Variants in ELP4 observed in about 807,000 individuals in gnomAD.
ELP4 encodes elongator complex protein 4.
ELP4 carries 51 observed loss-of-function variants against 48.9 expected under a neutral mutation model. The observed-to-expected ratio is 1.04, with a 90% confidence interval of 0.83 to 1.32. The LOEUF (loss-of-function observed/expected upper bound fraction) is 1.32. ELP4 is among the 40% of genes most tolerant of loss of function. ELP4 has a pLI of 0.00. For missense variants in ELP4, 519 were observed against 514.6 expected (o/e 1.01, Z -0.08); for synonymous variants, 210 against 189.2 (o/e 1.11, Z -0.90).
At chr11:31,629,934 A>C (rs568710287) in intron 6 of ELP4, among the ~76,000 whole-genome samples, 1 of 152,234 alleles carries the variant, frequency 6.6e-6, no homozygotes. Flanking sequence ...AGAAAAAAGA[A>C]TAACCCATCA....
In ELP4 at chr11:31,789,378, G is replaced by A. The variant is rs1350731402; in HGVS notation, c.*5854G>A. The A allele has an allele frequency of 2.2e-5, 7 of 317,460 alleles. No homozygotes were observed. Among genetic ancestry groups the A allele is most frequent in the Admixed American group, 1.9e-4 (4 of 21,416 alleles). The allele number at this position is 317,460 out of a possible 1,614,324, so 19.7% of individuals were successfully genotyped here. A position where few individuals can be genotyped will look rare whatever the true frequency, so the allele number is the denominator to read the frequency against. ...CCTTTTTTGCACATAAACTTCATCT[G>A]TTAACAACCTTTGGAAAACCAACAG... On this transcript the variant is annotated 3_prime_UTR_variant, in exon 10 of 10. Coordinates refer to ENST00000640961, the MANE Select transcript of ELP4 (RefSeq NM_019040.5).
At chr11:31,735,753 G>A (rs1306929623) in intron 9 of ELP4, among the ~76,000 whole-genome samples, 2 of 152,020 alleles carry the variant, frequency 1.3e-5, no homozygotes, top group African/African-American at 2.4e-5. Flanking sequence ...AAATACCTAG[G>A]AATCCAACTT....
intron 9 of ELP4, among the ~76,000 whole-genome samples, chr11:31,665,278 C>T (rs1378284850): frequency 6.6e-6 from 1 of 152,110 alleles, no homozygotes; most frequent in Admixed American, 6.6e-5. Context: ...ACTCCATATG[C>T]TAGGGAGGAT....
At chr11:31,552,009 A>G (rs1282498805) in intron 3 of ELP4, among the ~76,000 whole-genome samples, 13 of 152,156 alleles carry the variant, frequency 8.5e-5, no homozygotes, top group Admixed American at 8.5e-4. Flanking sequence ...ATGTAATAAA[A>G]TTTGAGATAT....
intron 9 of ELP4, among the ~76,000 whole-genome samples, chr11:31,667,101 T>A (rs534484908): frequency 6.6e-6 from 1 of 152,308 alleles, no homozygotes; most frequent in East Asian, 1.9e-4. Flanking sequence ...CACATATAGA[T>A]AAGTTTATTA....
chr11:31,740,081 A>T (rs1406951741), intron 9 of ELP4, among the ~76,000 whole-genome samples: 1 of 152,260 alleles, frequency 6.6e-6, no homozygotes, highest in Non-Finnish European at 1.5e-5. Flanking sequence ...ATACAGTTGA[A>T]AAAACTATAT....
intron 9 of ELP4, among the ~76,000 whole-genome samples, chr11:31,655,837 T>G (rs1945421688): frequency 6.6e-6 from 1 of 152,024 alleles, no homozygotes; most frequent in African/African-American, 2.4e-5. Flanking sequence ...TTGTGAAAGC[T>G]TATTCCCTTT....
chr11:31,550,496 G>A (rs1956830555), intron 3 of ELP4, among the ~76,000 whole-genome samples: 1 of 152,150 alleles, frequency 6.6e-6, no homozygotes, highest in Non-Finnish European at 1.5e-5. Context: ...CAGCCATTCA[G>A]TCCATTCTTA....
intron 3 of ELP4, among the ~76,000 whole-genome samples, chr11:31,546,915 T>G (rs577646426): frequency 6.6e-6 from 1 of 152,148 alleles, no homozygotes; most frequent in South Asian, 2.1e-4. Flanking sequence ...AAGGCAGAAA[T>G]AAAGATGTTC....
intron 9 of ELP4, among the ~76,000 whole-genome samples, chr11:31,700,016 G>T (rs563253929): frequency 6.6e-6 from 1 of 152,196 alleles, no homozygotes; most frequent in Non-Finnish European, 1.5e-5. Flanking sequence ...AAGTTTGAAT[G>T]ATGTCTGTAG....
chr11:31,657,467 T>C (rs935216510), intron 9 of ELP4, among the ~76,000 whole-genome samples: 1 of 152,036 alleles, frequency 6.6e-6, no homozygotes, highest in African/African-American at 2.4e-5. Flanking sequence ...AGTAAGGACA[T>C]AGTATGTCTT....
chr11:31,563,256 C>T (rs1346035736), intron 3 of ELP4, among the ~76,000 whole-genome samples: 2 of 151,964 alleles, frequency 1.3e-5, no homozygotes, highest in South Asian at 2.1e-4. Context: ...GAGTATGATG[C>T]CCATAGTTGG....
intron 3 of ELP4, among the ~76,000 whole-genome samples, chr11:31,560,213 C>T (rs1956995207): frequency 6.6e-6 from 1 of 152,042 alleles, no homozygotes; most frequent in African/African-American, 2.4e-5. Context: ...TAGGTGTTGA[C>T]AGTAGATATT....
chr11:31,510,066 C>A, intron 1 of ELP4, 59 bp downstream of exon 1: 1 of 1,515,270 alleles, frequency 6.6e-7, no homozygotes, highest in South Asian at 1.1e-5. Context: ...GGGGACCTGT[C>A]GGGGAAGCCA....
rs1948439518 is a variant in ELP4, at chr11:31,784,257, T to C, written c.*733T>C. Reference sequence around the variant, plus strand: ...GCTAGGATACCAGGAGAAAAACATATACTGAAGCTTGTTGAGAGATTTTAC... The same window carrying C: ...GCTAGGATACCAGGAGAAAAACATACACTGAAGCTTGTTGAGAGATTTTAC... On this transcript the variant is annotated 3_prime_UTR_variant, in exon 10 of 10. Coordinates refer to ENST00000640961, the MANE Select transcript of ELP4 (RefSeq NM_019040.5). 6.6e-6 allele frequency: 1 copy of C among 152,176 alleles called. No homozygotes were observed. The highest frequency in any genetic ancestry group is 2.4e-5 in the African/African-American group (1 of 41,454). The allele number at this position is 152,176 out of a possible 1,614,324, so 9.4% of individuals were successfully genotyped here.
At chr11:31,526,016 A>G (rs1956289061) in intron 2 of ELP4, among the ~76,000 whole-genome samples, 1 of 152,146 alleles carries the variant, frequency 6.6e-6, no homozygotes, top group African/African-American at 2.4e-5. Flanking sequence ...AAACTCTGAT[A>G]TCCTAAAATC....
At chr11:31,603,022 A>G (rs1395344405) in intron 4 of ELP4, among the ~76,000 whole-genome samples, 1 of 151,980 alleles carries the variant, frequency 6.6e-6, no homozygotes, top group African/African-American at 2.4e-5. Flanking sequence ...TCCCATATAA[A>G]TAAATTCAGT....
At position 31,639,984 on chromosome 11, in the gene ELP4, C is replaced by T. The variant is rs187283079; in HGVS notation, c.927+7579C>T. On this transcript the variant is annotated intron_variant, in intron 7 of 9. Coordinates refer to ENST00000640961, the MANE Select transcript of ELP4 (RefSeq NM_019040.5). ...ATATAAATAGTGAAATGTCTCATCACGGTATGGAGATTGAGTCATCTGTTT... is the reference window on the plus strand; with the variant it reads ...ATATAAATAGTGAAATGTCTCATCATGGTATGGAGATTGAGTCATCTGTTT... Among the ~76,000 whole-genome samples the T allele has an allele frequency of 3.9e-3, 588 of 151,930 alleles. 4 individuals carry two copies. The highest frequency in any genetic ancestry group is 0.014 in the African/African-American group (560 of 41,480).
At chr11:31,594,117 A>G (rs1192212218) in intron 3 of ELP4, among the ~76,000 whole-genome samples, 1 of 152,150 alleles carries the variant, frequency 6.6e-6, no homozygotes, top group Non-Finnish European at 1.5e-5. Flanking sequence ...AATTCTTTCT[A>G]TAGTACCGCT....
Sources: gnomAD v4.1 joint callset for allele counts (sites outside exome capture counted in the v4.1 genomes callset) on GRCh38, gnomAD v4.1.1 for gene constraint, MANE v1.5 for transcripts, NCBI Gene and HGNC (gene_info 2026-07-23, HGNC 2026-07-21) for gene names.